The following RBMS3 variants were observed in gnomAD, a reference collection of about 807,000 sequenced individuals.
RBMS3 encodes RNA-binding motif, single-stranded-interacting protein 3.
Under a neutral mutation model 66.8 loss-of-function variants are expected in RBMS3, and 27 were observed. The ratio of observed to expected loss-of-function variants is 0.40; its 90% CI spans 0.30 to 0.56. The LOEUF (loss-of-function observed/expected upper bound fraction) is 0.56, where lower values mean the gene tolerates loss of function less well. Ranked by LOEUF, RBMS3 falls within the 20% of genes least tolerant of loss-of-function variation. The pLI, the probability that RBMS3 is intolerant of heterozygous loss-of-function variation, is 0.40. For synonymous variants in RBMS3, 188 were observed against 183.0 expected (o/e 1.03, Z -0.22); for missense variants, 513 against 549.5 (o/e 0.93, Z 0.66).
At chr3:29,824,131 G>A (rs765881746) in intron 6 of RBMS3, among the ~76,000 whole-genome samples, 42 of 92,070 alleles carry the variant, frequency 4.6e-4, no homozygotes, top group South Asian at 1.6e-3. Context: ...CCCACCCCAC[G>A]CCAAATTCAT....
At chr3:29,553,408 C>T (rs1288185697) in intron 3 of RBMS3, among the ~76,000 whole-genome samples, 5 of 152,132 alleles carry the variant, frequency 3.3e-5, no homozygotes, top group African/African-American at 9.7e-5. Context: ...ATCCCTTGAT[C>T]TGATGGGTTG....
intron 2 of RBMS3, among the ~76,000 whole-genome samples, chr3:29,454,349 C>G (rs1370051291): frequency 6.6e-6 from 1 of 152,192 alleles, no homozygotes; most frequent in Non-Finnish European, 1.5e-5. Flanking sequence ...TAGTTTCCCT[C>G]TGTTCACTCA....
intron 4 of RBMS3, among the ~76,000 whole-genome samples, chr3:29,599,020 T>C (rs2048057829): frequency 1.3e-5 from 2 of 151,888 alleles, no homozygotes; most frequent in South Asian, 4.1e-4. Flanking sequence ...CGGGGCAGAA[T>C]TGACACCACA....
chr3:29,880,854 A>C (rs1172414804), intron 7 of RBMS3: 1 of 1,520,946 alleles, frequency 6.6e-7, no homozygotes, highest in Non-Finnish European at 8.8e-7. Flanking sequence ...ACCCTTTTGC[A>C]ATGAAAATCT....
chr3:29,948,162 T>C lies in RBMS3; in HGVS notation c.1098+3908T>C, dbSNP rs1394558347. ...GAAAAAGTTTGCATAAATCACAATA[T>C]ACTGGTCCAATAAGAAATTTTTAAA... On this transcript the variant is annotated intron_variant, in intron 12 of 14. Transcript: ENST00000383767. Among the ~76,000 whole-genome samples the C allele has an allele frequency of 6.6e-5, 10 of 151,718 alleles. No homozygotes were observed. The South Asian group carries it at 1.9e-3, about 28-fold the overall frequency.
In RBMS3 at chr3:29,747,444, AGATAGAT is replaced by A. The variant is rs1327080600; in HGVS notation, c.557+7569_557+7575del. 2.1e-3 allele frequency among the ~76,000 whole-genome samples: 282 copies of A among 132,164 alleles called. 1 individual carries two copies. The highest frequency in any genetic ancestry group is 6.6e-3 in the African/African-American group (234 of 35,312). The allele number at this position is 132,164 out of a possible 152,430, so 86.7% of individuals were successfully genotyped here. A position where few individuals can be genotyped will look rare whatever the true frequency, so the allele number is the denominator to read the frequency against. The stretch of plus-strand genomic sequence containing the variant: ...TAGATAGATAGATAGATAGATAGAT[AGATAGAT>A]GTCAGGTCACTATTATCCAATACTG... On this transcript the variant is annotated intron_variant, in intron 5 of 14. Coordinates refer to ENST00000383767, the MANE Select transcript of RBMS3 (RefSeq NM_001003793.3).
intron 6 of RBMS3, among the ~76,000 whole-genome samples, chr3:29,804,079 A>T (rs1001982565): frequency 6.6e-6 from 1 of 152,116 alleles, no homozygotes; most frequent in African/African-American, 2.4e-5. Flanking sequence ...TCCCTGGACT[A>T]CCAGGTTTCA....
intron 1 of RBMS3, among the ~76,000 whole-genome samples, chr3:29,411,480 G>T (rs970554303): frequency 3.3e-5 from 5 of 152,112 alleles, no homozygotes; most frequent in Admixed American, 6.5e-5. Flanking sequence ...TATCAGATTA[G>T]CGCCTGTTTT....
rs1332668012 is a variant in RBMS3 at position 29,363,869 on chromosome 3, A to AT, written c.76-70865dup. The stretch of plus-strand genomic sequence containing the variant: ...CAAATATTTTAAAAAATTGATAAAA[A>AT]TTTTTTTTTGCTATCAAATAGGATA... On this transcript the variant is annotated intron_variant, in intron 1 of 14. Transcript: ENST00000383767. Among the ~76,000 whole-genome samples the AT allele has an allele frequency of 4.3e-3, 650 of 151,492 alleles. 4 individuals carry two copies. Among genetic ancestry groups the AT allele is most frequent in the African/African-American group, 0.014 (579 of 41,308 alleles).
chr3:29,354,774 A>G (rs2037122687), intron 1 of RBMS3, among the ~76,000 whole-genome samples: 1 of 152,170 alleles, frequency 6.6e-6, no homozygotes, highest in South Asian at 2.1e-4. Flanking sequence ...ATTCTTGCCC[A>G]GATGATACTT....
At chr3:29,464,481 T>C (rs1488842409) in intron 2 of RBMS3, among the ~76,000 whole-genome samples, 1 of 152,196 alleles carries the variant, frequency 6.6e-6, no homozygotes, top group Non-Finnish European at 1.5e-5. Flanking sequence ...AACCAGATTA[T>C]TAGTTGACTA....
chr3:29,756,092 C>A (rs2055400063), intron 5 of RBMS3, among the ~76,000 whole-genome samples: 1 of 152,156 alleles, frequency 6.6e-6, no homozygotes, highest in African/African-American at 2.4e-5. Context: ...AACAAAACTG[C>A]TCTTTTACTC....
intron 3 of RBMS3, among the ~76,000 whole-genome samples, chr3:29,490,486 C>T (rs3773026): frequency 0.074 from 11,249 of 152,050 alleles, 723 homozygotes; most frequent in African/African-American, 0.17. Context: ...GGAAAGATGC[C>T]TGTGCCTCTT....
At chr3:29,993,045 A>T (rs534207852) in intron 14 of RBMS3, among the ~76,000 whole-genome samples, 4 of 152,358 alleles carry the variant, frequency 2.6e-5, no homozygotes, top group African/African-American at 9.6e-5. Flanking sequence ...TCATCAAAGC[A>T]GTAAACTCTA....
chr3:29,714,652 A>G (rs1468750920), intron 4 of RBMS3, among the ~76,000 whole-genome samples: 1 of 152,190 alleles, frequency 6.6e-6, no homozygotes, highest in Non-Finnish European at 1.5e-5. Context: ...GAGCAAGTGT[A>G]GTAAATTACT....
At chr3:29,406,316 T>C (rs2040014652) in intron 1 of RBMS3, among the ~76,000 whole-genome samples, 1 of 152,196 alleles carries the variant, frequency 6.6e-6, no homozygotes, top group South Asian at 2.1e-4. Context: ...AGAAACAAAT[T>C]ACACGGTGGG....
At chr3:29,697,774 G>A (rs866338933) in intron 4 of RBMS3, among the ~76,000 whole-genome samples, 2 of 152,082 alleles carry the variant, frequency 1.3e-5, no homozygotes, top group Non-Finnish European at 1.5e-5. Context: ...ACAAAGTTGC[G>A]ACTGTTTTTT....
At chr3:29,787,362 A>C (rs2056853790) in intron 6 of RBMS3, among the ~76,000 whole-genome samples, 1 of 152,152 alleles carries the variant, frequency 6.6e-6, no homozygotes, top group Non-Finnish European at 1.5e-5. Context: ...AAGTCATTAC[A>C]CAAAAAAAAT....
At chr3:29,907,228 T>A (rs1333085331) in intron 10 of RBMS3, among the ~76,000 whole-genome samples, 1 of 152,194 alleles carries the variant, frequency 6.6e-6, no homozygotes, top group Non-Finnish European at 1.5e-5. Flanking sequence ...AAACAATTTT[T>A]GTAACCAGCT....
Sources: allele counts gnomAD v4.1 joint callset (sites outside exome capture counted in the v4.1 genomes callset), GRCh38; gene constraint gnomAD v4.1.1; transcripts MANE v1.5; gene names NCBI Gene and HGNC (gene_info 2026-07-23, HGNC 2026-07-21).